The following CASZ1 variants were observed in gnomAD, a reference collection of about 807,000 sequenced individuals.
CASZ1 encodes the protein castor zinc finger 1, also known as zinc finger protein castor homolog 1.
Under a neutral mutation model 135.2 loss-of-function variants are expected in CASZ1, and 28 were observed. The observed-to-expected ratio is 0.21, with a 90% CI of 0.15 to 0.28. CASZ1 has a LOEUF of 0.28. CASZ1 is among the 10% of genes least tolerant of loss of function. CASZ1 has a pLI of 1.00. For synonymous variants in CASZ1, 1,068 were observed against 1,073.4 expected (o/e 0.99, Z 0.10); for missense variants, 2,161 against 2,453.3 (o/e 0.88, Z 2.52).
At chr1:10,708,090 T>C (rs956911559) in intron 2 of CASZ1, among the ~76,000 whole-genome samples, 2 of 152,190 alleles carry the variant, frequency 1.3e-5, no homozygotes, top group African/African-American at 4.8e-5. Flanking sequence ...TTAAGTACTC[T>C]GGCCAAAAAA....
At position 10,639,058 on chromosome 1, in the gene CASZ1, A is replaced by G. The variant is rs1380926832; in HGVS notation, c.5164T>C (p.Ser1722Pro). Residue 1722 changes from serine (S) to proline (P), a missense_variant, in exon 21 of 21, where the codon TCG becomes CCG. This residue lies in a region of CASZ1 where 185 missense variants were observed against 134.7 expected (regional missense o/e 1.37). Transcript: ENST00000377022. The surrounding 1 kb of genome is among the most constrained non-coding windows in gnomAD (Gnocchi z 4.0). ...GCCTCCGCCGCCGCCTCGGGCAGCG[A>G]CTCCTCCGAGTCGGTGCGCAGGTCC... is the stretch of plus-strand genomic sequence containing the variant. ...DEDLRTDSEE[S>P]LPEAAAEAAG... The G allele has an allele frequency of 8.3e-6, 9 of 1,083,132 alleles. No homozygotes were observed. Among genetic ancestry groups the G allele is most frequent in the African/African-American group, 5.3e-5 (3 of 56,818 alleles). The allele number at this position is 1,083,132 out of a possible 1,614,324, so 67.1% of individuals were successfully genotyped here. A position where few individuals can be genotyped will look rare whatever the true frequency, so the allele number is the denominator to read the frequency against.
At chr1:10,715,203 A>G (rs1029523880) in intron 2 of CASZ1, among the ~76,000 whole-genome samples, 36 of 152,140 alleles carry the variant, frequency 2.4e-4, no homozygotes, top group Admixed American at 5.9e-4. Context: ...ATCCTGTTTG[A>G]GGGGTCGGCT....
At position 10,646,939 on chromosome 1, in the gene CASZ1, T is replaced by C. The variant is rs1479789191; in HGVS notation, c.3498-613A>G. 6.6e-6 allele frequency among the ~76,000 whole-genome samples: 1 copy of C among 152,074 alleles called. No homozygotes were observed. Among genetic ancestry groups the C allele is most frequent in the Admixed American group, 6.5e-5 (1 of 15,278 alleles). ...GAGAGCTGCTGGGGCAGAGCGGGTG[T>C]GCTGGCCTGCCCTAGGCCGCCTCCA... On this transcript the variant is annotated intron_variant, in intron 16 of 20. Transcript: ENST00000377022. The surrounding 1 kb of genome is among the most constrained non-coding windows in gnomAD (Gnocchi z 6.4).
intron 1 of CASZ1, among the ~76,000 whole-genome samples, chr1:10,795,491 C>A (rs1029920860): frequency 6.6e-6 from 1 of 152,096 alleles, no homozygotes; most frequent in Non-Finnish European, 1.5e-5. Context: ...GCTGCAGAGC[C>A]CCCCCGGAGC....
chr1:10,660,836 T>G, intron 5 of CASZ1: 1 of 414,054 alleles, frequency 2.4e-6, no homozygotes, highest in South Asian at 3.3e-5. Context: ...TTCATAAATG[T>G]CTCCGCTCTC....
At chr1:10,723,544 G>A (rs1158339917) in intron 2 of CASZ1, among the ~76,000 whole-genome samples, 1 of 152,218 alleles carries the variant, frequency 6.6e-6, no homozygotes, top group African/African-American at 2.4e-5. Flanking sequence ...CCTGGGGGCA[G>A]CACATGCCCT....
intron 2 of CASZ1, among the ~76,000 whole-genome samples, chr1:10,746,668 TCTC>T (rs1171075959): frequency 1.3e-5 from 2 of 152,096 alleles, no homozygotes; most frequent in African/African-American, 2.4e-5. Flanking sequence ...CCCGGGACCT[TCTC>T]CTAGAGCCGT....
intron 11 of CASZ1, chr1:10,651,331 G>A (rs1162211486): frequency 1.2e-5 from 3 of 259,530 alleles, no homozygotes; most frequent in African/African-American, 6.7e-5. Flanking sequence ...AGGCTGGGGA[G>A]GGGGCTGGGG....
intron 3 of CASZ1, among the ~76,000 whole-genome samples, chr1:10,696,696 A>T (rs1325177581): frequency 1.3e-5 from 2 of 152,204 alleles, no homozygotes; most frequent in African/African-American, 4.8e-5. Context: ...CAAGGGATAG[A>T]AGAGGTGATT....
At chr1:10,651,559 C>A (rs917675028) in intron 11 of CASZ1, 1 of 152,602 alleles carries the variant, frequency 6.6e-6, no homozygotes, top group Non-Finnish European at 1.5e-5. Context: ...GCGATGGGGC[C>A]GATGGCCAAT....
chr1:10,719,108 G>A lies in CASZ1; in HGVS notation c.-76-13564C>T, dbSNP rs1022609801. Among the ~76,000 whole-genome samples the A allele has an allele frequency of 2.6e-5, 4 of 152,036 alleles. No individual in the cohort carries two copies. The highest frequency in any genetic ancestry group is 5.9e-5 in the Non-Finnish European group (4 of 68,004). On this transcript the variant is annotated intron_variant, in intron 2 of 20. Transcript: ENST00000377022. This position sits in a 1 kb window ranked among gnomAD's most constrained non-coding sequence, Gnocchi z 4.0. ...TTTTTTTACTTTTAGTGGAGGTGGG[G>A]TTTCCAACCATGTTGGCCAGACTAG... is the stretch of plus-strand genomic sequence containing the variant.
In CASZ1 at chr1:10,650,783, G is replaced by A. The variant is rs182689384; in HGVS notation, c.2817-28C>T. On this transcript the variant is annotated intron_variant, in intron 12 of 20. Coordinates refer to ENST00000377022, the MANE Select transcript of CASZ1 (RefSeq NM_001079843.3). ...AGAACACACAAACCAAGGGACTTGA[G>A]CTCAGACGGCCGGGGCCTGGGCCCT... 31 of 1,598,640 alleles carry A rather than the reference G, an allele frequency of 1.9e-5. No individual in the cohort carries two copies. In the East Asian group the frequency reaches 4.7e-4, roughly 24 times the overall value.
chr1:10,688,693 C>T (rs529222061), intron 4 of CASZ1, among the ~76,000 whole-genome samples: 106 of 152,346 alleles, frequency 7.0e-4, no homozygotes, highest in African/African-American at 2.3e-3. Flanking sequence ...GGCCTCGCCT[C>T]CCACATGGGT....
At position 10,777,499 on chromosome 1, in the gene CASZ1, C is replaced by A. The variant is rs1640681871; in HGVS notation, c.-233-16642G>T. Among the ~76,000 whole-genome samples, 1 of 152,208 alleles carries A rather than the reference C, an allele frequency of 6.6e-6. No individual in the cohort carries two copies. Among genetic ancestry groups the A allele is most frequent in the Admixed American group, 6.5e-5 (1 of 15,282 alleles). On this transcript the variant is annotated intron_variant, in intron 1 of 20. Transcript: ENST00000377022. The surrounding 1 kb of genome is among the most constrained non-coding windows in gnomAD (Gnocchi z 4.4). Reference sequence around the variant, plus strand: ...GAGCACAGTCTCACTCAGGGTAGGCCTGGGGCAGGGGACCAAGTGATACGC... The same window carrying A: ...GAGCACAGTCTCACTCAGGGTAGGCATGGGGCAGGGGACCAAGTGATACGC...
chr1:10,638,856 G>T lies in CASZ1; in HGVS notation c.*86C>A, dbSNP rs369023656. 2.0e-6 allele frequency: 2 copies of T among 978,392 alleles called. No individual in the cohort carries two copies. The highest frequency in any genetic ancestry group is 1.2e-4 in the Admixed American group (2 of 16,160). 60.6% of individuals were successfully genotyped at this position (978,392 alleles called of 1,614,324 possible). ...TCCGGAAGCACCGGCGGGGCGCGGG[G>T]CTCTGCCCAGGGGCCGCTTCGCGCG... On this transcript the variant is annotated 3_prime_UTR_variant, in exon 21 of 21. Coordinates refer to ENST00000377022, the MANE Select transcript of CASZ1 (RefSeq NM_001079843.3). This position sits in a 1 kb window ranked among gnomAD's most constrained non-coding sequence, Gnocchi z 5.9.
chr1:10,763,832 C>T (rs1283634375), intron 1 of CASZ1, among the ~76,000 whole-genome samples: 1 of 152,158 alleles, frequency 6.6e-6, no homozygotes, highest in Non-Finnish European at 1.5e-5. Flanking sequence ...CAGCTTGGCC[C>T]CTCTTCTCCA....
intron 4 of CASZ1, among the ~76,000 whole-genome samples, chr1:10,691,354 G>A (rs1287469993): frequency 6.6e-6 from 1 of 152,164 alleles, no homozygotes; most frequent in Non-Finnish European, 1.5e-5. Flanking sequence ...GGTCCACATG[G>A]CCCCTGAGGG....
intron 4 of CASZ1, among the ~76,000 whole-genome samples, chr1:10,684,896 G>A (rs974864383): frequency 2.6e-5 from 4 of 152,196 alleles, no homozygotes; most frequent in Non-Finnish European, 5.9e-5. Flanking sequence ...GAGGGACGCT[G>A]AGCACACATG....
rs1639918544 is a variant in CASZ1, at chr1:10,741,343, C to G, written c.-77+19358G>C. Reference sequence around the variant, plus strand: ...TTGTTCAAAGAGGAAAACAGCAAAGCAAAGCCTGGAAAAGAGCCACCAGCA... The same window carrying G: ...TTGTTCAAAGAGGAAAACAGCAAAGGAAAGCCTGGAAAAGAGCCACCAGCA... On this transcript the variant is annotated intron_variant, in intron 2 of 20. Coordinates refer to ENST00000377022, the MANE Select transcript of CASZ1 (RefSeq NM_001079843.3). This position sits in a 1 kb window ranked among gnomAD's most constrained non-coding sequence, Gnocchi z 5.0. 6.6e-6 allele frequency among the ~76,000 whole-genome samples: 1 copy of G among 152,142 alleles called. No individual in the cohort carries two copies. The highest frequency in any genetic ancestry group is 1.5e-5 in the Non-Finnish European group (1 of 68,028).
Sources: gnomAD v4.1 joint callset for allele counts (sites outside exome capture counted in the v4.1 genomes callset) on GRCh38, gnomAD v4.1.1 for gene constraint, gnomAD v4.1.1 regional missense constraint, Gnocchi (gnomAD v3.1) non-coding constraint, MANE v1.5 for transcripts, NCBI Gene and HGNC (gene_info 2026-07-23, HGNC 2026-07-21) for gene names.